The following C4orf50 variants were observed in gnomAD, a reference collection of about 807,000 sequenced individuals.
C4orf50 encodes uncharacterized protein C4orf50.
In C4orf50, 80 loss-of-function variants were observed where a neutral mutation model predicts 77.2. That is an observed-to-expected ratio of 1.04 (90% CI 0.87 to 1.25). The LOEUF (loss-of-function observed/expected upper bound fraction) is 1.25. Ranked by LOEUF, C4orf50 falls within the 50% of genes most tolerant of loss-of-function variation. The pLI, the probability that C4orf50 is intolerant of heterozygous loss-of-function variation, is 0.00. For synonymous variants in C4orf50, 532 were observed against 465.3 expected, an observed-to-expected ratio of 1.14 and a Z score of -1.84; for missense variants, 1,257 against 1,152.9, an observed-to-expected ratio of 1.09 and a Z score of -1.31.
Position 5,992,446 on chromosome 4 carries a change from T to G in C4orf50, c.1221+357A>C, listed in dbSNP as rs936878670. Among the ~76,000 whole-genome samples, 1 of 151,886 alleles carries G rather than the reference T, an allele frequency of 6.6e-6. No individual in the cohort carries two copies. Among genetic ancestry groups the G allele is most frequent in the Non-Finnish European group, 1.5e-5 (1 of 67,978 alleles). ...TCGAGCCTGGATCTCGGGGTCCACC[T>G]CCAAGCTGGGGACCTTGGGGAGTCA... On this transcript the variant is annotated intron_variant, in intron 27 of 33. Coordinates refer to ENST00000531445, the Ensembl canonical transcript of C4orf50. This position sits in a 1 kb window ranked among gnomAD's most constrained non-coding sequence, Gnocchi z 5.0.
intron 29 of C4orf50, 30 bp from the exon 8 acceptor site, chr4:5,975,985 C>A (rs751514940): frequency 6.3e-7 from 1 of 1,592,270 alleles, no homozygotes; most frequent in Admixed American, 1.7e-5. Flanking sequence ...TTTGACAACA[C>A]TGCACTGTCA....
Position 5,919,408 on chromosome 4 carries a change from G to A in C4orf50, c.*2475-21220C>T, listed in dbSNP as rs1049496813. Among the ~76,000 whole-genome samples, 1 of 151,640 alleles carries A rather than the reference G, an allele frequency of 6.6e-6. No individual in the cohort carries two copies. The highest frequency in any genetic ancestry group is 2.4e-5 in the African/African-American group (1 of 41,270). On this transcript the variant is annotated intron_variant, in intron 7 of 7. Transcript: ENST00000324058. This position sits in a 1 kb window ranked among gnomAD's most constrained non-coding sequence, Gnocchi z 6.5. ...ACTCACTCCCTGTAGGCAGTGGACT[G>A]AGGCAGGGGCAGGTGGGGGTGGGGG...
intron 25 of C4orf50, among the ~76,000 whole-genome samples, chr4:6,003,738 G>T (rs1373437269): frequency 3.4e-5 from 5 of 147,050 alleles, no homozygotes; most frequent in Non-Finnish European, 1.5e-5. Flanking sequence ...TGATGGTGAT[G>T]ATAGTGGTGA....
intron 32 of C4orf50, 77 bp from the exon 11 acceptor site, chr4:5,965,222 T>C: frequency 6.9e-7 from 1 of 1,438,924 alleles, no homozygotes; most frequent in African/African-American, 1.4e-5. Flanking sequence ...AGCCTTGTCA[T>C]AACCTTCTTC....
At chr4:5,977,985 T>C (rs550801329) in intron 29 of C4orf50, among the ~76,000 whole-genome samples, 183 of 152,284 alleles carry the variant, frequency 1.2e-3, no homozygotes, top group African/African-American at 4.0e-3. Context: ...AGAGAGTCAA[T>C]TAACCCTATT....
At chr4:5,904,566 A>G (rs1034287219) in intron 7 of C4orf50, 1 of 152,224 alleles carries the variant, frequency 6.6e-6, no homozygotes, top group Non-Finnish European at 1.5e-5. Context: ...GGGCGGATAG[A>G]GGCCAAGGGA....
intron 31 of C4orf50, among the ~76,000 whole-genome samples, chr4:5,968,465 G>T (rs7671976): frequency 1.8e-4 from 28 of 152,074 alleles, no homozygotes; most frequent in Admixed American, 5.2e-4. Flanking sequence ...TTCGGTACCA[G>T]GCACAATGCC....
chr4:5,933,723 C>T (rs1717870917), intron 7 of C4orf50, among the ~76,000 whole-genome samples: 1 of 152,116 alleles, frequency 6.6e-6, no homozygotes, highest in Non-Finnish European at 1.5e-5. Context: ...GGGAAATGGG[C>T]TAGGCATAGC....
At chr4:5,910,097 TATG>T (rs1716737771) in intron 7 of C4orf50, among the ~76,000 whole-genome samples, 1 of 147,522 alleles carries the variant, frequency 6.8e-6, no homozygotes. Context: ...CTTTGGGTAG[TATG>T]ATAATTTTAG....
intron 7 of C4orf50, among the ~76,000 whole-genome samples, chr4:5,920,263 C>T (rs1396368252): frequency 6.6e-6 from 1 of 152,164 alleles, no homozygotes; most frequent in Non-Finnish European, 1.5e-5. Context: ...GTTCAAATCC[C>T]ACCTCTGCCA....
rs1025567621 is a variant in C4orf50, at chr4:5,964,160, G to A, written c.4275+864C>T. On this transcript the variant is annotated intron_variant, in intron 33 of 33. Coordinates refer to ENST00000531445, the Ensembl canonical transcript of C4orf50. ...GGCAATTGAGGACCTATTTTCCCTC[G>A]AGGTGAAGGCAGGGTCTGTGCAGGA... Among the ~76,000 whole-genome samples, 5 of 152,196 alleles carry A rather than the reference G, an allele frequency of 3.3e-5. No individual in the cohort carries two copies. The East Asian group carries it at 9.6e-4, about 29-fold the overall frequency.
intron 7 of C4orf50, among the ~76,000 whole-genome samples, chr4:5,948,166 A>G (rs112710005): frequency 0.01 from 1,566 of 152,364 alleles, 19 homozygotes; most frequent in Middle Eastern, 0.037. Flanking sequence ...GGAGACTGAG[A>G]GAGCAAGGCT....
chr4:5,980,406 A>C, intron 28 of C4orf50, 68 bp from the exon 7 acceptor site: 1 of 1,446,006 alleles, frequency 6.9e-7, no homozygotes, highest in Non-Finnish European at 9.3e-7. Flanking sequence ...TAGCCAACAA[A>C]CGGTACCCGT....
At chr4:5,948,975 A>C (rs1334531330) in intron 7 of C4orf50, among the ~76,000 whole-genome samples, 7 of 151,178 alleles carry the variant, frequency 4.6e-5, no homozygotes, top group African/African-American at 1.7e-4. Flanking sequence ...AAAAAAAAAA[A>C]AAAATAGAGA....
At chr4:6,004,113 ATGATGGTGATAGTGATGATGG>A (rs1722050100) in intron 25 of C4orf50, among the ~76,000 whole-genome samples, 2 of 84,586 alleles carry the variant, frequency 2.4e-5, no homozygotes, top group African/African-American at 4.4e-5. Context: ...GGTGATGGTG[ATGATGGTGATAGTGATGATGG>A]TGATGGTGAT....
At chr4:5,982,388 T>C (rs1720638268) in intron 28 of C4orf50, among the ~76,000 whole-genome samples, 1 of 152,156 alleles carries the variant, frequency 6.6e-6, no homozygotes, top group Non-Finnish European at 1.5e-5. Context: ...CTAGCAGACA[T>C]CATGAGCACA....
At position 5,965,158 on chromosome 4, in the gene C4orf50, A is replaced by C. The variant is rs760550379; in HGVS notation, c.4154-13T>G. The C allele has an allele frequency of 1.2e-5, 19 of 1,610,706 alleles. No individual in the cohort carries two copies. The South Asian group carries it at 2.0e-4, about 17-fold the overall frequency. On this transcript the variant is annotated splice_polypyrimidine_tract_variant and intron_variant, in intron 32 of 33. Coordinates refer to ENST00000531445, the Ensembl canonical transcript of C4orf50. ...AGGTATGTCTGAGCTGGAAGGGAAA[A>C]TTCTCAGTCAAGCCTCCACCCAGGA...
At chr4:5,925,711 T>G (rs1717484711) in intron 7 of C4orf50, among the ~76,000 whole-genome samples, 1 of 152,228 alleles carries the variant, frequency 6.6e-6, no homozygotes, top group Non-Finnish European at 1.5e-5. Flanking sequence ...GGCCCTGGCC[T>G]TGGGGGGCCC....
rs1313123806 is a variant in C4orf50 at position 6,017,118 on chromosome 4, C to T, written c.287+1027G>A. ...GCCCCACCTTGAGGCCAGGTCAGCT[C>T]CATCAGGCAAACAGTGCCCACAGCA... On this transcript the variant is annotated intron_variant, in intron 23 of 33. Coordinates refer to ENST00000531445, the Ensembl canonical transcript of C4orf50. This position sits in a 1 kb window ranked among gnomAD's most constrained non-coding sequence, Gnocchi z 4.7. Among the ~76,000 whole-genome samples the T allele has an allele frequency of 1.3e-5, 2 of 152,212 alleles. No homozygotes were observed.
Sources: gnomAD v4.1 joint callset for allele counts (sites outside exome capture counted in the v4.1 genomes callset) on GRCh38, gnomAD v4.1.1 for gene constraint, Gnocchi (gnomAD v3.1) non-coding constraint, MANE v1.5 for transcripts, NCBI Gene and HGNC (gene_info 2026-07-23, HGNC 2026-07-21) for gene names.